The following DOCK2 variants were observed in gnomAD, a reference collection of about 807,000 sequenced individuals.
DOCK2 encodes dedicator of cytokinesis protein 2.
DOCK2 carries 87 observed loss-of-function variants against 248.9 expected under a neutral mutation model. That is an observed-to-expected ratio of 0.35 (90% CI 0.29 to 0.42). The LOEUF (loss-of-function observed/expected upper bound fraction) is 0.42, where lower values mean the gene tolerates loss of function less well. Among genes scored for constraint, DOCK2 ranks in the 10% least tolerant of loss-of-function variants. The pLI is 1.00. For missense variants in DOCK2, 1,747 were observed against 2,300.2 expected (o/e 0.76, Z 4.92); for synonymous variants, 805 against 821.6 (o/e 0.98, Z 0.35).
Position 169,995,693 on chromosome 5 carries a change from T to C in DOCK2, c.2994-393T>C, listed in dbSNP as rs575270617. ...ATACATGTAGGGAGACCCTTGAAAT[T>C]ATGTTCATCAAAACATGGATGACAG... On this transcript the variant is annotated intron_variant, in intron 29 of 51. Transcript: ENST00000520908. Among the ~76,000 whole-genome samples the C allele has an allele frequency of 2.6e-5, 4 of 152,324 alleles. No individual in the cohort carries two copies. The East Asian group carries it at 7.7e-4, about 29-fold the overall frequency.
intron 27 of DOCK2, among the ~76,000 whole-genome samples, chr5:169,910,790 G>T (rs1774552433): frequency 6.6e-6 from 1 of 152,232 alleles, no homozygotes; most frequent in Non-Finnish European, 1.5e-5. Context: ...TTGAGAAATG[G>T]CAGGTGCCCC....
At chr5:169,692,102 C>T (rs1404351506) in intron 9 of DOCK2, among the ~76,000 whole-genome samples, 1 of 152,270 alleles carries the variant, frequency 6.6e-6, no homozygotes, top group South Asian at 2.1e-4. Flanking sequence ...GATCCACCCA[C>T]CTCAGCCTCC....
chr5:170,082,773 G>T, intron 51 of DOCK2, 23 bp from the exon 52 acceptor site: 6 of 1,614,042 alleles, frequency 3.7e-6, no homozygotes, highest in Non-Finnish European at 5.1e-6. Flanking sequence ...TCTTGGTTTT[G>T]TGCTTGTTTA....
intron 27 of DOCK2, chr5:169,883,639 T>C: frequency 3.2e-6 from 5 of 1,551,442 alleles, no homozygotes; most frequent in Non-Finnish European, 4.4e-6. Flanking sequence ...CCCTGCCTTC[T>C]GGGACCTGGG....
At chr5:169,639,077 A>G (rs1453468188) in intron 1 of DOCK2, among the ~76,000 whole-genome samples, 1 of 152,198 alleles carries the variant, frequency 6.6e-6, no homozygotes, top group African/African-American at 2.4e-5. Flanking sequence ...GCCAACCTTC[A>G]AAGTTTGGAT....
intron 26 of DOCK2, among the ~76,000 whole-genome samples, chr5:169,816,098 CTA>C (rs1768056470): frequency 6.6e-6 from 1 of 152,176 alleles, no homozygotes; most frequent in Admixed American, 6.5e-5. Flanking sequence ...ATAAATATAG[CTA>C]TGTTTGGTCC....
rs78505785 is a variant in DOCK2 at position 169,985,622 on chromosome 5, G to A, written c.2899-206G>A. Among the ~76,000 whole-genome samples, 1,037 of 152,058 alleles carry A rather than the reference G, an allele frequency of 6.8e-3. 10 individuals carry two copies. The highest frequency in any genetic ancestry group is 0.041 in the Middle Eastern group (12 of 294). ...AGTGCTTTATTTTGAGAACATTTTCGCATCCCATATTCATGTTCCACTGAC... is the reference window on the plus strand; with the variant it reads ...AGTGCTTTATTTTGAGAACATTTTCACATCCCATATTCATGTTCCACTGAC... On this transcript the variant is annotated intron_variant, in intron 28 of 51. Transcript: ENST00000520908.
At chr5:169,683,612 T>C (rs1396392921) in intron 7 of DOCK2, among the ~76,000 whole-genome samples, 1 of 152,224 alleles carries the variant, frequency 6.6e-6, no homozygotes, top group Non-Finnish European at 1.5e-5. Flanking sequence ...ACTTTTTAAC[T>C]TAGCCATTCT....
chr5:169,770,488 T>C (rs926777355), intron 25 of DOCK2, among the ~76,000 whole-genome samples: 1 of 151,982 alleles, frequency 6.6e-6, no homozygotes, highest in Admixed American at 6.6e-5. Context: ...TTTGTAGAGA[T>C]AGGGTCTCCC....
chr5:169,923,170 TTC>T (rs935714969), intron 27 of DOCK2, among the ~76,000 whole-genome samples: 53 of 152,282 alleles, frequency 3.5e-4, no homozygotes, highest in African/African-American at 1.3e-3. Flanking sequence ...TCCTTCTAAA[TTC>T]TCTGTTTACA....
At chr5:169,935,817 G>A (rs1775966858) in intron 27 of DOCK2, among the ~76,000 whole-genome samples, 1 of 152,164 alleles carries the variant, frequency 6.6e-6, no homozygotes, top group Admixed American at 6.5e-5. Flanking sequence ...ATTTCTGGTA[G>A]AACGAGACAT....
intron 46 of DOCK2, 54 bp downstream of exon 46, chr5:170,069,274 G>T: frequency 6.3e-7 from 1 of 1,587,678 alleles, no homozygotes; most frequent in Non-Finnish European, 8.6e-7. Context: ...TCCCCCCACC[G>T]TGGTTCACTT....
intron 27 of DOCK2, among the ~76,000 whole-genome samples, chr5:169,845,814 A>C (rs1581275597): frequency 6.6e-6 from 1 of 152,338 alleles, no homozygotes; most frequent in Non-Finnish European, 1.5e-5. Flanking sequence ...GGCCTGCGGC[A>C]AGCATACTTC....
At chr5:169,856,662 C>A (rs768187799) in intron 27 of DOCK2, among the ~76,000 whole-genome samples, 2 of 152,196 alleles carry the variant, frequency 1.3e-5, no homozygotes, top group Non-Finnish European at 2.9e-5. Flanking sequence ...AACTTCTCAT[C>A]ACCTCCATCA....
intron 26 of DOCK2, among the ~76,000 whole-genome samples, chr5:169,838,588 G>A (rs1271927750): frequency 1.3e-5 from 2 of 152,176 alleles, no homozygotes; most frequent in Non-Finnish European, 2.9e-5. Context: ...TTCATCTTTG[G>A]GCCAGAAATA....
At chr5:169,805,756 A>G (rs1046351759) in intron 26 of DOCK2, among the ~76,000 whole-genome samples, 2 of 152,186 alleles carry the variant, frequency 1.3e-5, no homozygotes, top group African/African-American at 4.8e-5. Flanking sequence ...CACCCTCGAT[A>G]CTTAGGGCTT....
Position 169,881,301 on chromosome 5 carries a change from G to T in DOCK2, c.2799+40449G>T, listed in dbSNP as rs1233115253. The T allele has an allele frequency of 1.7e-5, 23 of 1,321,772 alleles. No homozygotes were observed. The East Asian group carries it at 5.3e-4, about 31-fold the overall frequency. The allele number at this position is 1,321,772 out of a possible 1,614,324, so 81.9% of individuals were successfully genotyped here. On this transcript the variant is annotated intron_variant, in intron 27 of 51. Transcript: ENST00000520908. Reference sequence around the variant, plus strand: ...CTTGACTTTTTGCATTTAAAAGTTTGCTAGAGTGTTCAGCGGACCCTATGG... The same window carrying T: ...CTTGACTTTTTGCATTTAAAAGTTTTCTAGAGTGTTCAGCGGACCCTATGG...
chr5:169,796,300 G>A (rs1766650904), intron 25 of DOCK2, among the ~76,000 whole-genome samples: 1 of 152,208 alleles, frequency 6.6e-6, no homozygotes, highest in Non-Finnish European at 1.5e-5. Flanking sequence ...TCCCTAGCAG[G>A]GATATAGTGT....
chr5:169,959,682 A>G (rs1002132399), intron 27 of DOCK2, among the ~76,000 whole-genome samples: 4 of 152,212 alleles, frequency 2.6e-5, no homozygotes, highest in African/African-American at 9.6e-5. Flanking sequence ...TCCAGTTCTC[A>G]GGTCTCCAAC....
Sources: allele counts gnomAD v4.1 joint callset (sites outside exome capture counted in the v4.1 genomes callset), GRCh38; gene constraint gnomAD v4.1.1; transcripts MANE v1.5; gene names NCBI Gene and HGNC (gene_info 2026-07-23, HGNC 2026-07-21).